The following LMO7 variants were observed in gnomAD, a reference collection of about 807,000 sequenced individuals.
LMO7 encodes the protein LIM domain only protein 7.
In LMO7, 120 loss-of-function variants were observed where a neutral mutation model predicts 206.5. The observed-to-expected ratio is 0.58, with a 90% CI of 0.50 to 0.68. The LOEUF is 0.68. Ranked by LOEUF, LMO7 falls within the 30% of genes least tolerant of loss-of-function variation. LMO7 has a pLI of 0.00. For missense variants in LMO7, 1,959 were observed against 1,957.9 expected (o/e 1.00, Z -0.01); for synonymous variants, 706 against 681.5 (o/e 1.04, Z -0.56).
At chr13:75,853,033 T>TA in intron 27 of LMO7, 59 bp from the exon 28 acceptor site, 1 of 1,347,680 alleles carries the variant, frequency 7.4e-7, no homozygotes, top group Non-Finnish European at 1.0e-6. Context: ...AATGATGAAT[T>TA]AAATAGATTT....
At chr13:75,839,089 C>A (rs1417847961) in intron 20 of LMO7, among the ~76,000 whole-genome samples, 4 of 152,130 alleles carry the variant, frequency 2.6e-5, no homozygotes, top group African/African-American at 7.2e-5. Context: ...GGATTAAGGT[C>A]TCTTTTGGAC....
At chr13:75,766,570 A>AGATGGCCCTGTAAATTCACAGGG (rs1439708003) in intron 4 of LMO7, among the ~76,000 whole-genome samples, 2 of 152,072 alleles carry the variant, frequency 1.3e-5, no homozygotes, top group South Asian at 2.1e-4. Context: ...ATGACTGGGG[A>AGATGGCCCTGTAAATTCACAGGG]GATGGCCCTG....
At chr13:75,766,210 T>C (rs1045301547) in intron 4 of LMO7, among the ~76,000 whole-genome samples, 9 of 150,664 alleles carry the variant, frequency 6.0e-5, no homozygotes, top group African/African-American at 1.5e-4. Context: ...AAATTGCTAA[T>C]ACTGAAATAC....
intron 4 of LMO7, among the ~76,000 whole-genome samples, chr13:75,775,313 G>A (rs674611): frequency 0.7 from 106,057 of 151,882 alleles, 37,469 homozygotes; most frequent in East Asian, 0.92. Context: ...TTAACTCAAG[G>A]TGGATTAAAG....
chr13:75,625,063 TC>T (rs763910192), intron 2 of LMO7, among the ~76,000 whole-genome samples: 6 of 152,200 alleles, frequency 3.9e-5, no homozygotes, highest in Non-Finnish European at 8.8e-5. Context: ...TTTTTATTCT[TC>T]CTGATTTCTT....
intron 3 of LMO7, among the ~76,000 whole-genome samples, chr13:75,732,827 G>C (rs566495344): frequency 1.8e-4 from 27 of 152,256 alleles, no homozygotes; most frequent in Non-Finnish European, 3.1e-4. Flanking sequence ...CTGTTTGTTA[G>C]TTTTCCTTCT....
intron 26 of LMO7, among the ~76,000 whole-genome samples, chr13:75,846,049 G>A (rs1483782509): frequency 6.6e-6 from 1 of 151,898 alleles, no homozygotes; most frequent in Admixed American, 6.6e-5. Flanking sequence ...GCCTATCATT[G>A]CCATGCTGGA....
intron 3 of LMO7, among the ~76,000 whole-genome samples, chr13:75,736,943 G>A (rs933671472): frequency 6.6e-6 from 1 of 152,180 alleles, no homozygotes; most frequent in African/African-American, 2.4e-5. Context: ...TTTCCATTGT[G>A]AAAAATAATA....
chr13:75,855,806 G>C (rs937490480), intron 29 of LMO7, among the ~76,000 whole-genome samples: 2 of 152,200 alleles, frequency 1.3e-5, no homozygotes, highest in African/African-American at 4.8e-5. Flanking sequence ...TGCACAGCCT[G>C]TTTATACCTG....
chr13:75,787,473 G>A (rs2052616217), intron 4 of LMO7, among the ~76,000 whole-genome samples: 1 of 152,160 alleles, frequency 6.6e-6, no homozygotes, highest in African/African-American at 2.4e-5. Flanking sequence ...GTGTGTGGGA[G>A]AGCTGTGAAA....
At chr13:75,681,730 A>ATGTATGTG (rs1566304877) in intron 1 of LMO7, among the ~76,000 whole-genome samples, 1 of 130,320 alleles carries the variant, frequency 7.7e-6, no homozygotes, top group Non-Finnish European at 1.6e-5. Flanking sequence ...ATATATATAT[A>ATGTATGTG]TATATATATA....
chr13:75,785,610 A>G (rs1341056385), intron 4 of LMO7, among the ~76,000 whole-genome samples: 1 of 152,174 alleles, frequency 6.6e-6, no homozygotes, highest in African/African-American at 2.4e-5. Context: ...AGTTTAAGTA[A>G]AATAGGTCTT....
intron 1 of LMO7, among the ~76,000 whole-genome samples, chr13:75,670,683 G>A (rs1382401567): frequency 6.6e-6 from 1 of 152,186 alleles, no homozygotes; most frequent in Non-Finnish European, 1.5e-5. Context: ...GTTGCTCTGG[G>A]TGAATCAATA....
At chr13:75,672,176 T>C (rs1361595793) in intron 1 of LMO7, among the ~76,000 whole-genome samples, 1 of 152,070 alleles carries the variant, frequency 6.6e-6, no homozygotes, top group Non-Finnish European at 1.5e-5. Flanking sequence ...CTTGGTTTTG[T>C]TACTTGACAG....
At chr13:75,672,519 A>G (rs2039676090) in intron 1 of LMO7, among the ~76,000 whole-genome samples, 1 of 152,178 alleles carries the variant, frequency 6.6e-6, no homozygotes, top group Non-Finnish European at 1.5e-5. Context: ...ATGAATTAGA[A>G]TTCATTTAAC....
rs554369058 is a variant in LMO7, at chr13:75,809,984, A to G, written c.1946+801A>G. 3.9e-5 allele frequency among the ~76,000 whole-genome samples: 6 copies of G among 152,136 alleles called. No individual in the cohort carries two copies. The East Asian group carries it at 1.2e-3, about 29-fold the overall frequency. On this transcript the variant is annotated intron_variant, in intron 11 of 30. Coordinates refer to ENST00000377534, the MANE Select transcript of LMO7 (RefSeq NM_001306080.2). ...GTAGCTGGGACTACAGTTGCATGCC[A>G]CCACACTCTGCTAATTTTTGTATTT... is the stretch of plus-strand genomic sequence containing the variant.
chr13:75,831,406 A>G (rs2058658157), intron 15 of LMO7, among the ~76,000 whole-genome samples: 1 of 152,186 alleles, frequency 6.6e-6, no homozygotes, highest in South Asian at 2.1e-4. Flanking sequence ...GCCTGTCCAT[A>G]TAGAGTAGTA....
At chr13:75,624,955 C>T (rs1314815160) in intron 2 of LMO7, among the ~76,000 whole-genome samples, 4 of 152,222 alleles carry the variant, frequency 2.6e-5, no homozygotes, top group Admixed American at 2.6e-4. Flanking sequence ...GTGATGGGAA[C>T]AGTGGTGAAT....
intron 2 of LMO7, among the ~76,000 whole-genome samples, chr13:75,717,086 G>T (rs1281345312): frequency 6.6e-6 from 1 of 151,856 alleles, no homozygotes; most frequent in East Asian, 1.9e-4. Context: ...CTTCTCGGCC[G>T]GGCGCGGTGG....
Sources: gnomAD v4.1 joint callset for allele counts (sites outside exome capture counted in the v4.1 genomes callset) on GRCh38, gnomAD v4.1.1 for gene constraint, MANE v1.5 for transcripts, NCBI Gene and HGNC (gene_info 2026-07-23, HGNC 2026-07-21) for gene names.